PITPNB: variants seen among roughly 807,000 people sequenced by gnomAD.
PITPNB encodes the protein phosphatidylinositol transfer protein beta isoform.
In PITPNB, 16 loss-of-function variants were observed where a neutral mutation model predicts 45.9. The ratio of observed to expected loss-of-function variants is 0.35; its 90% confidence interval spans 0.24 to 0.53. The LOEUF is 0.53. Ranked by LOEUF, PITPNB falls within the 20% of genes least tolerant of loss-of-function variation. PITPNB has a pLI of 0.93. For synonymous variants in PITPNB, 112 were observed against 108.9 expected, an observed-to-expected ratio of 1.03 and a Z score of -0.18; for missense variants, 188 against 330.5, an observed-to-expected ratio of 0.57 and a Z score of 3.34.
chr22:27,859,114 G>A (rs1196821527), intron 9 of PITPNB, among the ~76,000 whole-genome samples: 2 of 152,178 alleles, frequency 1.3e-5, no homozygotes, highest in East Asian at 1.9e-4. Context: ...AGAGAAAAGT[G>A]CATGGAACAG....
At chr22:27,897,933 C>T in intron 3 of PITPNB, 41 bp from the exon 4 acceptor site, 2 of 1,338,988 alleles carry the variant, frequency 1.5e-6, no homozygotes, top group Non-Finnish European at 2.2e-6. Flanking sequence ...ACAGCACCAT[C>T]AATTCTTTCT....
chr22:27,855,884 A>G (rs1934158813), intron 10 of PITPNB, among the ~76,000 whole-genome samples: 1 of 152,200 alleles, frequency 6.6e-6, no homozygotes, highest in Admixed American at 6.5e-5. Flanking sequence ...CCTCAAGGAA[A>G]AAGAAATTTC....
intron 10 of PITPNB, among the ~76,000 whole-genome samples, chr22:27,857,748 C>T (rs1158383251): frequency 6.6e-6 from 1 of 152,130 alleles, no homozygotes; most frequent in African/African-American, 2.4e-5. Flanking sequence ...AGAATCCATC[C>T]CGAGGAGAGA....
chr22:27,911,443 T>C (rs894303166), intron 2 of PITPNB, among the ~76,000 whole-genome samples: 1 of 152,196 alleles, frequency 6.6e-6, no homozygotes, highest in Admixed American at 6.5e-5. Context: ...ATATTTGTAC[T>C]TTACAAAGCA....
In PITPNB at chr22:27,860,198, T is replaced by C; in HGVS notation, c.578A>G (p.Tyr193Cys). 6.2e-7 allele frequency: 1 copy of C among 1,613,960 alleles called. No homozygotes were observed. The highest frequency in any genetic ancestry group is 8.5e-7 in the Non-Finnish European group (1 of 1,179,842). ...NSPDCPQMCA[Y>C]KLVTIKFKWW... ...CTTGAATTTGATGGTCACCAGCTTATAGGCACACATCTGGGGACAGTCAGG... is the reference window on the plus strand; with the variant it reads ...CTTGAATTTGATGGTCACCAGCTTACAGGCACACATCTGGGGACAGTCAGG... Residue 193 changes from tyrosine to cysteine, a missense_variant, in exon 9 of 12, where the codon TAT becomes TGT. Physicochemically the swap from Tyr to Cys is radical, Grantham distance 194. Transcript: ENST00000335272.
chr22:27,896,514 AG>A, intron 6 of PITPNB, 37 bp downstream of exon 6: 2 of 1,338,124 alleles, frequency 1.5e-6, no homozygotes, highest in South Asian at 2.3e-5. Context: ...TCTCGTTTCC[AG>A]GGACTTTTGT....
intron 3 of PITPNB, among the ~76,000 whole-genome samples, chr22:27,902,011 C>T (rs566017387): frequency 2.6e-5 from 4 of 151,988 alleles, no homozygotes; most frequent in East Asian, 1.9e-4. Flanking sequence ...ATGGTGAGTA[C>T]GCAGGGACGA....
chr22:27,889,841 T>C (rs370786852), intron 7 of PITPNB, among the ~76,000 whole-genome samples: 4 of 152,364 alleles, frequency 2.6e-5, no homozygotes, highest in African/African-American at 7.2e-5. Flanking sequence ...GCAAAGGTGT[T>C]GTGCCTTTTC....
rs765645616 is a variant in PITPNB, at chr22:27,860,236, C to T, written c.540G>A (p.Glu180=). 6.3e-7 allele frequency: 1 copy of T among 1,597,970 alleles called. No individual in the cohort carries two copies. Among genetic ancestry groups the T allele is most frequent in the African/African-American group, 1.3e-5 (1 of 74,524 alleles). The change falls in exon 9 of 12, where the codon GAG becomes GAA. Residue 180 remains glutamate (E), a synonymous_variant. Transcript: ENST00000335272. ...GGGGACAGTCAGGGCTGTTTGCCAG[C>T]TCCTTCTAGATGAGAAAAATTGAAA... ...RGPLGPNWKK[E]LANSPDCPQM...
intron 3 of PITPNB, among the ~76,000 whole-genome samples, chr22:27,899,615 G>C (rs543223451): frequency 5.9e-5 from 9 of 152,248 alleles, no homozygotes; most frequent in African/African-American, 2.2e-4. Context: ...GAGCCACCGC[G>C]CCCGGCCTGA....
At chr22:27,879,728 G>A (rs1934915168) in intron 7 of PITPNB, among the ~76,000 whole-genome samples, 1 of 152,004 alleles carries the variant, frequency 6.6e-6, no homozygotes, top group Admixed American at 6.6e-5. Context: ...GATACATTTA[G>A]AAAAGTTTTA....
chr22:27,905,083 T>C (rs1482543396), intron 3 of PITPNB, among the ~76,000 whole-genome samples: 1 of 152,204 alleles, frequency 6.6e-6, no homozygotes, highest in African/African-American at 2.4e-5. Context: ...ACAAATAACA[T>C]GTGTCTATGA....
chr22:27,905,504 C>G (rs1935730493), intron 3 of PITPNB, among the ~76,000 whole-genome samples: 1 of 152,214 alleles, frequency 6.6e-6, no homozygotes, highest in African/African-American at 2.4e-5. Context: ...ATGTTACAAT[C>G]AATCCTTTCA....
intron 1 of PITPNB, among the ~76,000 whole-genome samples, chr22:27,915,699 TG>T (rs1936056214): frequency 6.6e-6 from 1 of 152,186 alleles, no homozygotes; most frequent in African/African-American, 2.4e-5. Context: ...ATAAACTTTT[TG>T]TAAGTCCTTC....
At position 27,900,219 on chromosome 22, in the gene PITPNB, A is replaced by T. The variant is rs9608656; in HGVS notation, c.198-2327T>A. ...TGTCTTTAAAATAAAAAATAAAAAA[A>T]AAAAAAGAAAGAAAAAACAAAAAGG... On this transcript the variant is annotated intron_variant, in intron 3 of 11. Transcript: ENST00000335272. Among the ~76,000 whole-genome samples, 603 of 152,052 alleles carry T rather than the reference A, an allele frequency of 4.0e-3. 3 individuals are homozygous for T. The highest frequency in any genetic ancestry group is 5.1e-3 in the Non-Finnish European group (344 of 67,960).
Position 27,870,558 on chromosome 22 carries a change from C to G in PITPNB, c.534+3180G>C, listed in dbSNP as rs1423750898. On this transcript the variant is annotated intron_variant, in intron 8 of 11. Transcript: ENST00000335272. ...TCTTCTATAAGAACATTCTTCAACA[C>G]TACCCTGGTTAAGTGGGTCCACAAT... is the stretch of plus-strand genomic sequence containing the variant. 2.0e-5 allele frequency among the ~76,000 whole-genome samples: 3 copies of G among 152,242 alleles called. No homozygotes were observed. The East Asian group carries it at 5.8e-4, about 29-fold the overall frequency.
Position 27,858,447 on chromosome 22 carries a change from G to T in PITPNB, c.708C>A (p.Ile236=). ...TCCTAATGTCTTCCATCGTGAGATC[G>T]ATCCACTTGTCAATCCAACAAAAAA... The part of the protein sequence containing the change: ...RQLFCWIDKW[I]DLTMEDIRRM... The change falls in exon 10 of 12, where the codon ATC becomes ATA. Residue 236 remains isoleucine, a synonymous_variant. Coordinates refer to ENST00000335272, the MANE Select transcript of PITPNB (RefSeq NM_012399.5). 1 of 1,608,792 alleles carries T rather than the reference G, an allele frequency of 6.2e-7. No homozygotes were observed. The highest frequency in any genetic ancestry group is 1.3e-5 in the African/African-American group (1 of 74,868).
chr22:27,911,286 C>T lies in PITPNB; in HGVS notation c.52-177G>A, dbSNP rs879537949. Reference sequence around the variant, plus strand: ...AAATTAATACGTTTAGGAAGACAAACCACAGATTATTATACAGTTTTAAAA... The same window carrying T: ...AAATTAATACGTTTAGGAAGACAAATCACAGATTATTATACAGTTTTAAAA... On this transcript the variant is annotated intron_variant, in intron 2 of 11. Transcript: ENST00000335272. Among the ~76,000 whole-genome samples, 6 of 152,130 alleles carry T rather than the reference C, an allele frequency of 3.9e-5. No individual in the cohort carries two copies. In the South Asian group the frequency reaches 1.0e-3, roughly 26 times the overall value.
intron 3 of PITPNB, among the ~76,000 whole-genome samples, chr22:27,904,864 A>G (rs1037236520): frequency 2.6e-5 from 4 of 152,340 alleles, no homozygotes; most frequent in Admixed American, 6.5e-5. Flanking sequence ...GGGAGACAAG[A>G]GACTCTAAAG....
Sources: allele counts gnomAD v4.1 joint callset (sites outside exome capture counted in the v4.1 genomes callset), GRCh38; gene constraint gnomAD v4.1.1; transcripts MANE v1.5; gene names NCBI Gene and HGNC (gene_info 2026-07-23, HGNC 2026-07-21).